VAC14: variants seen among roughly 807,000 people sequenced by gnomAD.
VAC14 encodes the protein VAC14 component of PIKFYVE complex, also known as protein VAC14 homolog.
VAC14 carries 47 observed loss-of-function variants against 85.3 expected under a neutral mutation model. That is an observed-to-expected ratio of 0.55 (90% CI 0.44 to 0.70). VAC14 has a LOEUF of 0.70. VAC14 is among the 30% of genes least tolerant of loss of function. VAC14 has a pLI of 0.00. For missense variants in VAC14, 861 were observed against 1,004.3 expected (o/e 0.86, Z 1.93); for synonymous variants, 447 against 430.5 (o/e 1.04, Z -0.47).
chr16:70,778,964 C>G (rs1286102935), intron 9 of VAC14: 1 of 152,228 alleles, frequency 6.6e-6, no homozygotes, highest in East Asian at 1.9e-4. Context: ...AAGGCCCGCA[C>G]TAGCTTATCC....
intron 10 of VAC14, 123 bp downstream of exon 10, chr16:70,771,986 G>T: frequency 1.2e-6 from 1 of 824,506 alleles, no homozygotes; most frequent in Non-Finnish European, 2.0e-6. Context: ...GTGTACGAGG[G>T]TGTCCCAAAA....
chr16:70,749,874 C>G (rs1447603556), intron 12 of VAC14, among the ~76,000 whole-genome samples: 1 of 152,222 alleles, frequency 6.6e-6, no homozygotes, highest in African/African-American at 2.4e-5. Flanking sequence ...CTGCCTCTGC[C>G]TGGGGTGGAA....
intron 12 of VAC14, chr16:70,747,554 G>C (rs1400969509): frequency 6.8e-6 from 1 of 147,830 alleles, no homozygotes; most frequent in African/African-American, 2.5e-5. Flanking sequence ...TAACCCATTT[G>C]CTCTTGCTCT....
At chr16:70,795,994 G>C (rs1596974677) in intron 1 of VAC14, among the ~76,000 whole-genome samples, 2 of 152,118 alleles carry the variant, frequency 1.3e-5, no homozygotes, top group Non-Finnish European at 2.9e-5. Flanking sequence ...GACTCTTCTG[G>C]GAAGACAGCC....
At chr16:70,716,470 GC>G (rs2054169013) in intron 14 of VAC14, 2 of 152,322 alleles carry the variant, frequency 1.3e-5, no homozygotes, top group Non-Finnish European at 2.9e-5. Context: ...TGGAGGCTGG[GC>G]CCATGTTGGC....
chr16:70,692,844 G>C lies in VAC14; in HGVS notation c.2163C>G (p.Pro721=). Residue 721 remains proline (P), a synonymous_variant, in exon 18 of 19, where the codon CCC becomes CCG. Transcript: ENST00000261776. ...ACTCGGTCTGCAGCAGCTCAGGGTT[G>C]GGCACGCACTGGAGCCGGTGCGAGA... ...QLLSHRLQCV[P]NPELLQTEDS... is the part of the protein sequence containing the mutation. The C allele has an allele frequency of 1.9e-6, 3 of 1,602,128 alleles. No homozygotes were observed. The highest frequency in any genetic ancestry group is 2.6e-6 in the Non-Finnish European group (3 of 1,176,322).
chr16:70,794,227 G>A (rs1432237988), intron 1 of VAC14, among the ~76,000 whole-genome samples: 2 of 152,146 alleles, frequency 1.3e-5, no homozygotes, highest in South Asian at 2.1e-4. Context: ...CATCACCACC[G>A]TCAATTGTAG....
At position 70,720,706 on chromosome 16, in the gene VAC14, C is replaced by T. The variant is rs531873881; in HGVS notation, c.1661+10789G>A. Among the ~76,000 whole-genome samples the T allele has an allele frequency of 3.3e-5, 5 of 152,336 alleles. No homozygotes were observed. In the East Asian group the frequency reaches 9.6e-4, roughly 29 times the overall value. The stretch of plus-strand genomic sequence containing the variant: ...GACGAGGTGGATGGTGAAACGGAGA[C>T]ACAAGTGCCACAATCAGGTGGAAGC... On this transcript the variant is annotated intron_variant, in intron 14 of 18. Transcript: ENST00000261776.
rs188911283 is a variant in VAC14 at position 70,758,178 on chromosome 16, G to C, written c.1371+4362C>G. 4.9e-4 allele frequency among the ~76,000 whole-genome samples: 74 copies of C among 152,368 alleles called. No homozygotes were observed. The East Asian group carries it at 8.9e-3, about 18-fold the overall frequency. On this transcript the variant is annotated intron_variant, in intron 12 of 18. Transcript: ENST00000261776. Reference sequence around the variant, plus strand: ...CTGAGAAAGAGCCTGGCTCCTGGGTGGGGGAGTTCACCACAGTGAGACGCC... The same window carrying C: ...CTGAGAAAGAGCCTGGCTCCTGGGTCGGGGAGTTCACCACAGTGAGACGCC...
At chr16:70,700,147 T>A (rs2053795229) in intron 14 of VAC14, 2 of 152,102 alleles carry the variant, frequency 1.3e-5, no homozygotes, top group African/African-American at 4.8e-5. Context: ...GGGGCCAGGC[T>A]GGAGAAGATT....
chr16:70,691,870 T>C (rs2053602771), intron 18 of VAC14: 1 of 985,272 alleles, frequency 1.0e-6, no homozygotes, highest in Admixed American at 6.1e-5. Flanking sequence ...GTCTCAAGGC[T>C]GCCTGTGTCC....
chr16:70,782,155 T>C (rs1167955170), intron 7 of VAC14, 152 bp from the exon 8 acceptor site: 2 of 1,150,692 alleles, frequency 1.7e-6, no homozygotes, highest in Non-Finnish European at 2.4e-6. Context: ...ACCTGTGTGC[T>C]TTGCCTTCCA....
At chr16:70,714,689 G>C (rs529719468) in intron 14 of VAC14, 1 of 152,336 alleles carries the variant, frequency 6.6e-6, no homozygotes, top group African/African-American at 2.4e-5. Flanking sequence ...GGATGTCTGC[G>C]GTGTCGAGAT....
chr16:70,755,634 C>T (rs567148666), intron 12 of VAC14, among the ~76,000 whole-genome samples: 2 of 152,332 alleles, frequency 1.3e-5, no homozygotes, highest in East Asian at 3.9e-4. Context: ...GGGCACAAGC[C>T]CCGCAGACTT....
intron 1 of VAC14, 145 bp downstream of exon 1, chr16:70,800,652 C>A: frequency 1.5e-6 from 1 of 649,644 alleles, no homozygotes; most frequent in Non-Finnish European, 2.6e-6. Context: ...CCAGATATGG[C>A]TCCCAATCTG....
chr16:70,786,957 T>C (rs1360867706), intron 1 of VAC14, among the ~76,000 whole-genome samples: 1 of 151,876 alleles, frequency 6.6e-6, no homozygotes, highest in Non-Finnish European at 1.5e-5. Context: ...ACTTTCCAGG[T>C]AAAGAAAGGA....
In VAC14 at chr16:70,734,170, G is replaced by A. The variant is rs181132186; in HGVS notation, c.1529-2543C>T. On this transcript the variant is annotated intron_variant, in intron 13 of 18. Coordinates refer to ENST00000261776, the MANE Select transcript of VAC14 (RefSeq NM_018052.5). ...AGAACAGCCTAATAAACAGTGTCTTGCTCTGTTGCCCAGGCTGTAGTGCAC... is the reference window on the plus strand; with the variant it reads ...AGAACAGCCTAATAAACAGTGTCTTACTCTGTTGCCCAGGCTGTAGTGCAC... Among the ~76,000 whole-genome samples the A allele has an allele frequency of 1.4e-4, 21 of 151,910 alleles. No individual in the cohort carries two copies. In the East Asian group the frequency reaches 3.9e-3, roughly 28 times the overall value.
In VAC14 at chr16:70,786,158, G is replaced by A. The variant is rs75816871; in HGVS notation, c.255+57C>T. 8.6e-3 allele frequency: 13,600 copies of A among 1,587,810 alleles called. 896 individuals carry two copies. The African/African-American group carries it at 0.15, about 17-fold the overall frequency. ...TCTTGACAGGGAAGGCATCGGGATG[G>A]CTTGGTCAGCGTCAAGGCCAGGACT... On this transcript the variant is annotated intron_variant, in intron 2 of 18. Coordinates refer to ENST00000261776, the MANE Select transcript of VAC14 (RefSeq NM_018052.5).
intron 14 of VAC14, among the ~76,000 whole-genome samples, chr16:70,728,600 G>C (rs553522236): frequency 6.4e-4 from 97 of 152,358 alleles, no homozygotes; most frequent in African/African-American, 2.3e-3. Context: ...GAGCGGGTGG[G>C]GAGGGCATGC....
Sources: allele counts gnomAD v4.1 joint callset (sites outside exome capture counted in the v4.1 genomes callset), GRCh38; gene constraint gnomAD v4.1.1; transcripts MANE v1.5; gene names NCBI Gene and HGNC (gene_info 2026-07-23, HGNC 2026-07-21).